The following NEDD9 variants were observed in gnomAD, a reference collection of about 807,000 sequenced individuals.
NEDD9 encodes enhancer of filamentation 1.
In NEDD9, 26 loss-of-function variants were observed where a neutral mutation model predicts 76.6. That is an observed-to-expected ratio of 0.34 (90% CI 0.25 to 0.47). The LOEUF is 0.47. NEDD9 is among the 20% of genes least tolerant of loss of function. The pLI, the probability that NEDD9 is intolerant of heterozygous loss-of-function variation, is 1.00. For missense variants in NEDD9, 937 were observed against 1,058.5 expected, an observed-to-expected ratio of 0.89 and a Z score of 1.59; for synonymous variants, 392 against 414.2, an observed-to-expected ratio of 0.95 and a Z score of 0.65.
chr6:11,321,862 A>C lies in NEDD9; in HGVS notation c.-153+12639T>G, dbSNP rs1398682869. ...GATTTTAGAAAGTATCTGTGAACAA[A>C]GAAATGCAATGTTAGTGGGCTAATT... On this transcript the variant is annotated intron_variant, in intron 2 of 3. Transcript: ENST00000397378. Among the ~76,000 whole-genome samples, 3 of 152,240 alleles carry C rather than the reference A, an allele frequency of 2.0e-5. No homozygotes were observed. The East Asian group carries it at 5.8e-4, about 29-fold the overall frequency.
At chr6:11,215,766 G>C (rs1758936211) in intron 1 of NEDD9, among the ~76,000 whole-genome samples, 1 of 152,192 alleles carries the variant, frequency 6.6e-6, no homozygotes, top group Non-Finnish European at 1.5e-5. Flanking sequence ...AGTTGTATGG[G>C]AGCTGAGGGT....
At chr6:11,348,185 C>T (rs568908593) in intron 1 of NEDD9, among the ~76,000 whole-genome samples, 1 of 152,212 alleles carries the variant, frequency 6.6e-6, no homozygotes, top group South Asian at 2.1e-4. Context: ...TTAACAACTG[C>T]TACAAAGAGA....
intron 1 of NEDD9, among the ~76,000 whole-genome samples, chr6:11,358,415 C>T (rs1034805430): frequency 2.6e-5 from 4 of 152,178 alleles, no homozygotes; most frequent in Non-Finnish European, 4.4e-5. Context: ...CATGTGTGCC[C>T]TGGAAAGTTC....
At chr6:11,312,460 G>T (rs1049706727) in intron 2 of NEDD9, among the ~76,000 whole-genome samples, 1 of 151,980 alleles carries the variant, frequency 6.6e-6, no homozygotes, top group Non-Finnish European at 1.5e-5. Flanking sequence ...GTCATGTTCA[G>T]GCCACTTCCA....
chr6:11,188,962 T>TTC (rs1284094708), intron 5 of NEDD9, among the ~76,000 whole-genome samples: 2 of 151,462 alleles, frequency 1.3e-5, no homozygotes, highest in Non-Finnish European at 2.9e-5. Flanking sequence ...TTTTTTTTTT[T>TTC]CTGAGACAGA....
At chr6:11,192,519 T>G in intron 3 of NEDD9, 73 bp from the exon 4 acceptor site, 2 of 1,031,548 alleles carry the variant, frequency 1.9e-6, no homozygotes, top group South Asian at 3.0e-5. Flanking sequence ...TCCTAAGCAC[T>G]TAATTATGGA....
At chr6:11,200,140 C>T (rs1294184905) in intron 2 of NEDD9, 2 of 217,380 alleles carry the variant, frequency 9.2e-6, no homozygotes, top group African/African-American at 4.6e-5. Context: ...GGGTTTTCTA[C>T]AGCTTCTTTG....
At chr6:11,235,805 T>C (rs72827161), upstream of NEDD9, among the ~76,000 whole-genome samples, 4,640 of 152,256 alleles carry the variant, frequency 0.03, 92 homozygotes, top group South Asian at 0.074. This position sits in a 1 kb window ranked among gnomAD's most constrained non-coding sequence, Gnocchi z 4.1. Flanking sequence ...CTGTCTAGTG[T>C]GCTTAGCGTG....
At chr6:11,226,113 A>C (rs1468327057) in intron 1 of NEDD9, among the ~76,000 whole-genome samples, 2 of 152,230 alleles carry the variant, frequency 1.3e-5, no homozygotes, top group Non-Finnish European at 2.9e-5. Context: ...CAGATTGTTC[A>C]GGAAAATAAT....
At chr6:11,260,438 C>T (rs575153736) in intron 3 of NEDD9, among the ~76,000 whole-genome samples, 1 of 152,290 alleles carries the variant, frequency 6.6e-6, no homozygotes, top group South Asian at 2.1e-4. Context: ...TGAGTCTCGA[C>T]TTGCCCATCT....
chr6:11,265,006 T>C (rs879407179), intron 3 of NEDD9, among the ~76,000 whole-genome samples: 2 of 152,242 alleles, frequency 1.3e-5, no homozygotes, highest in Non-Finnish European at 2.9e-5. Flanking sequence ...GCCAGCTCTA[T>C]AGGTTTTGCA....
chr6:11,297,127 G>GTT (rs1211636654), intron 3 of NEDD9, among the ~76,000 whole-genome samples: 2 of 121,308 alleles, frequency 1.6e-5, no homozygotes, highest in East Asian at 3.1e-4. Context: ...AGTTTAATTT[G>GTT]TTTTGTTTTT....
At chr6:11,226,013 T>C (rs1022711318) in intron 1 of NEDD9, among the ~76,000 whole-genome samples, 1 of 152,148 alleles carries the variant, frequency 6.6e-6, no homozygotes, top group Admixed American at 6.5e-5. Flanking sequence ...CACCTAGATC[T>C]CATTGTTTGG....
At chr6:11,185,961 T>C (rs1757970693) in intron 6 of NEDD9, among the ~76,000 whole-genome samples, 1 of 152,184 alleles carries the variant, frequency 6.6e-6, no homozygotes, top group South Asian at 2.1e-4. Flanking sequence ...CCTACACCTT[T>C]ATGGAGGTTA....
chr6:11,216,860 T>C (rs759655830), intron 1 of NEDD9, among the ~76,000 whole-genome samples: 7 of 152,226 alleles, frequency 4.6e-5, no homozygotes, highest in Non-Finnish European at 1.0e-4. Context: ...CTATCTGATA[T>C]TTATCTTGCT....
Position 11,249,295 on chromosome 6 carries a change from T to C in NEDD9, c.13-35568A>G, listed in dbSNP as rs997475320. On this transcript the variant is annotated intron_variant, in intron 3 of 3. Transcript: ENST00000397378. ...CAGAAAAACCCTAGATGAATGAGTT[T>C]AAAAAGAAGTTAATTTTCTTCTTAT... The C allele has an allele frequency of 6.8e-5, 28 of 409,826 alleles. 1 individual carries two copies. Among genetic ancestry groups the C allele is most frequent in the South Asian group, 4.9e-4 (28 of 56,694 alleles). 25.4% of individuals were successfully genotyped at this position (409,826 alleles called of 1,614,324 possible). A position where few individuals can be genotyped will look rare whatever the true frequency, so the allele number is the denominator to read the frequency against.
intron 3 of NEDD9, among the ~76,000 whole-genome samples, chr6:11,192,787 G>T (rs376567034): frequency 6.6e-6 from 1 of 151,482 alleles, no homozygotes; most frequent in East Asian, 1.9e-4. Context: ...ACAAAAATTA[G>T]CTGGGTGTGG....
chr6:11,306,320 G>A (rs949040683), intron 2 of NEDD9, among the ~76,000 whole-genome samples: 1 of 152,178 alleles, frequency 6.6e-6, no homozygotes, highest in Non-Finnish European at 1.5e-5. Context: ...AAGCATTTAT[G>A]GGGTTCTTAC....
rs1759927051 is a variant in NEDD9 at position 11,252,180 on chromosome 6, G to A, written c.13-38453C>T. ...ATCTTCATTTCATGTCTGTCCTGGGGCTCTTAGCTATGCCAGCAGAGCCCT... is the reference window on the plus strand; with the variant it reads ...ATCTTCATTTCATGTCTGTCCTGGGACTCTTAGCTATGCCAGCAGAGCCCT... On this transcript the variant is annotated intron_variant, in intron 3 of 3. Coordinates refer to the NEDD9 transcript ENST00000397378. This position sits in a 1 kb window ranked among gnomAD's most constrained non-coding sequence, Gnocchi z 4.3. Among the ~76,000 whole-genome samples the A allele has an allele frequency of 6.6e-6, 1 of 152,104 alleles. No homozygotes were observed. The highest frequency in any genetic ancestry group is 2.4e-5 in the African/African-American group (1 of 41,388).
Sources: gnomAD v4.1 joint callset for allele counts (sites outside exome capture counted in the v4.1 genomes callset) on GRCh38, gnomAD v4.1.1 for gene constraint, Gnocchi (gnomAD v3.1) non-coding constraint, MANE v1.5 for transcripts, NCBI Gene and HGNC (gene_info 2026-07-23, HGNC 2026-07-21) for gene names.